Variants in PHF20 observed in about 807,000 individuals in gnomAD.
PHF20 encodes the protein PHD finger protein 20.
In PHF20, 23 loss-of-function variants were observed where a neutral mutation model predicts 113.5. The ratio of observed to expected loss-of-function variants is 0.20; its 90% CI spans 0.15 to 0.29. The LOEUF (loss-of-function observed/expected upper bound fraction) is 0.29. Among genes scored for constraint, PHF20 ranks in the 10% least tolerant of loss-of-function variants. PHF20 has a pLI of 1.00. For missense variants in PHF20, 943 were observed against 1,219.6 expected (o/e 0.77, Z 3.38); for synonymous variants, 434 against 457.3 (o/e 0.95, Z 0.65).
rs1319999812 is a variant in PHF20, at chr20:35,858,306, T to C, written c.345T>C (p.Thr115=). 2.0e-6 allele frequency: 3 copies of C among 1,534,330 alleles called. No homozygotes were observed. The highest frequency in any genetic ancestry group is 2.7e-6 in the Non-Finnish European group (3 of 1,110,902). Reference sequence around the variant, plus strand: ...TGATATCTTCTTGAATTTTAGGTACTTACACTGTGAAATTTTATGATGGAG... The same window carrying C: ...TGATATCTTCTTGAATTTTAGGTACCTACACTGTGAAATTTTATGATGGAG... ...AKVTAVNKDG[T]YTVKFYDGVV... is the part of the protein sequence containing the mutation. The change falls in exon 5 of 18, where the codon ACT becomes ACC. Residue 115 remains threonine (T), a synonymous_variant. Coordinates refer to ENST00000374012, the MANE Select transcript of PHF20 (RefSeq NM_016436.5).
chr20:35,830,167 G>A (rs190175518), intron 2 of PHF20, among the ~76,000 whole-genome samples: 1 of 152,290 alleles, frequency 6.6e-6, no homozygotes, highest in Admixed American at 6.5e-5. Flanking sequence ...ACCTGCCTCG[G>A]CCTCCCAGAG....
intron 2 of PHF20, among the ~76,000 whole-genome samples, chr20:35,803,684 A>ATATG (rs1555917992): frequency 1.4e-5 from 2 of 144,340 alleles, no homozygotes; most frequent in Non-Finnish European, 3.0e-5. Flanking sequence ...GTATATATAT[A>ATATG]TGTGTGTGTG....
chr20:35,913,934 G>A, intron 11 of PHF20, 99 bp from the exon 12 acceptor site: 1 of 1,204,670 alleles, frequency 8.3e-7, no homozygotes, highest in East Asian at 2.4e-5. Context: ...GAGCCTTTGT[G>A]CTGCTTGAAA....
chr20:35,818,403 G>A (rs948281773), intron 2 of PHF20, among the ~76,000 whole-genome samples: 2 of 152,208 alleles, frequency 1.3e-5, no homozygotes, highest in Non-Finnish European at 1.5e-5. Context: ...TGGGACTACA[G>A]GCATGTGCCG....
chr20:35,845,197 G>A (rs960135470), intron 3 of PHF20, among the ~76,000 whole-genome samples: 1 of 148,580 alleles, frequency 6.7e-6, no homozygotes, highest in African/African-American at 2.5e-5. Flanking sequence ...CTTCATTTAT[G>A]GTGTTTTTTT....
intron 2 of PHF20, among the ~76,000 whole-genome samples, chr20:35,823,591 C>T (rs2042210505): frequency 7.0e-6 from 1 of 142,046 alleles, no homozygotes; most frequent in South Asian, 2.2e-4. Context: ...TGTACCGCTG[C>T]ACTCCAACTC....
At chr20:35,803,331 T>C in intron 2 of PHF20, among the ~76,000 whole-genome samples, 1 of 151,760 alleles carries the variant, frequency 6.6e-6, no homozygotes. Flanking sequence ...TGGGCTATTT[T>C]TTTTTTTTGG....
intron 1 of PHF20, among the ~76,000 whole-genome samples, 152 bp from the exon 2 acceptor site, chr20:35,801,339 G>A (rs1219418100): frequency 6.6e-6 from 1 of 152,162 alleles, no homozygotes; most frequent in Admixed American, 6.6e-5. Context: ...AGGAACCAGT[G>A]GAAGACACAC....
rs553915565 is a variant in PHF20 at position 35,899,553 on chromosome 20, C to G, written c.1466C>G (p.Pro489Arg). The G allele has an allele frequency of 1.9e-6, 3 of 1,614,020 alleles. 1 individual carries two copies. Among genetic ancestry groups the G allele is most frequent in the Admixed American group, 3.3e-5 (2 of 60,004 alleles). The change falls in exon 10 of 18, where the codon CCG (proline) becomes CGG (arginine). Residue 489 changes from proline (P) to arginine (R), a missense_variant. By Grantham distance (103) the Pro-to-Arg change is moderately radical (BLOSUM62 -2). Around this residue, in one of 3 missense-constraint regions of PHF20, gnomAD observed 592 missense variants for 787.2 expected, o/e 0.75. Transcript: ENST00000374012. ...AAGTCACTGGAGCCAGAAGAGAGCC[C>G]GGGAAAGAGGCATGTCCAAACCAGG... ...MEKSLEPEES[P>R]GKRHVQTRGP...
intron 17 of PHF20, among the ~76,000 whole-genome samples, chr20:35,946,775 T>A (rs1014700450): frequency 6.6e-6 from 1 of 152,054 alleles, no homozygotes; most frequent in Non-Finnish European, 1.5e-5. Context: ...AGTGGCACGA[T>A]CTCGGCTCAC....
intron 13 of PHF20, among the ~76,000 whole-genome samples, chr20:35,926,230 A>ATTTTTTT (rs1186510585): frequency 9.4e-5 from 5 of 52,968 alleles, no homozygotes; most frequent in Non-Finnish European, 1.2e-4. Flanking sequence ...ACAGACTTTC[A>ATTTTTTT]TTTTTTTTTT....
intron 4 of PHF20, chr20:35,849,498 C>A (rs1305358944): frequency 2.1e-6 from 1 of 468,866 alleles, no homozygotes; most frequent in East Asian, 7.1e-5. Flanking sequence ...GCACCTGTCT[C>A]TATAAGGTTT....
intron 15 of PHF20, 86 bp downstream of exon 15, chr20:35,931,530 A>G: frequency 9.8e-7 from 1 of 1,016,866 alleles, no homozygotes; most frequent in South Asian, 1.8e-5. Flanking sequence ...AAAGCTACCA[A>G]AGCAATCAAA....
intron 1 of PHF20, among the ~76,000 whole-genome samples, chr20:35,796,209 C>CTG (rs2041664126): frequency 6.6e-6 from 1 of 151,980 alleles, no homozygotes; most frequent in African/African-American, 2.4e-5. Flanking sequence ...TACATCTACT[C>CTG]TCTGTAAAGT....
intron 2 of PHF20, among the ~76,000 whole-genome samples, chr20:35,830,389 A>G (rs1442112747): frequency 6.6e-6 from 1 of 152,240 alleles, no homozygotes; most frequent in Non-Finnish European, 1.5e-5. Flanking sequence ...TATTTCACTT[A>G]GCATAAGTCC....
intron 2 of PHF20, among the ~76,000 whole-genome samples, chr20:35,819,493 A>G (rs1392558839): frequency 6.6e-6 from 1 of 152,124 alleles, no homozygotes; most frequent in African/African-American, 2.4e-5. Context: ...TTTCTATTTA[A>G]GTTGATCATA....
At chr20:35,888,828 C>T (rs2054788031) in intron 9 of PHF20, among the ~76,000 whole-genome samples, 1 of 150,766 alleles carries the variant, frequency 6.6e-6, no homozygotes, top group Middle Eastern at 3.4e-3. Flanking sequence ...CTCATGTTGA[C>T]AAGAACCATA....
intron 9 of PHF20, among the ~76,000 whole-genome samples, chr20:35,893,326 T>C (rs1222813489): frequency 1.3e-5 from 2 of 152,208 alleles, no homozygotes; most frequent in Non-Finnish European, 2.9e-5. Context: ...TTTTTTTTTT[T>C]TGAGATGGAG....
chr20:35,919,878 C>G (rs2055478794), intron 13 of PHF20, among the ~76,000 whole-genome samples: 1 of 152,154 alleles, frequency 6.6e-6, no homozygotes, highest in South Asian at 2.1e-4. Context: ...CCATGAATTC[C>G]TCTGCTGGTC....
Sources: gnomAD v4.1 joint callset for allele counts (sites outside exome capture counted in the v4.1 genomes callset) on GRCh38, gnomAD v4.1.1 for gene constraint, gnomAD v4.1.1 regional missense constraint, MANE v1.5 for transcripts, NCBI Gene and HGNC (gene_info 2026-07-23, HGNC 2026-07-21) for gene names.